OSBP2: variants seen among roughly 807,000 people sequenced by gnomAD.
The protein encoded by OSBP2 is oxysterol-binding protein 2.
In OSBP2, 66 loss-of-function variants were observed where a neutral mutation model predicts 96.0. The observed-to-expected ratio is 0.69, with a 90% CI of 0.56 to 0.84. The LOEUF (loss-of-function observed/expected upper bound fraction) is 0.84. Among genes scored for constraint, OSBP2 ranks in the 40% least tolerant of loss-of-function variants. The pLI is 0.00. For missense variants in OSBP2, 1,038 were observed against 1,222.7 expected (o/e 0.85, Z 2.25); for synonymous variants, 525 against 520.9 (o/e 1.01, Z -0.11).
chr22:30,872,856 G>A (rs1303727735), intron 3 of OSBP2, among the ~76,000 whole-genome samples: 1 of 152,228 alleles, frequency 6.6e-6, no homozygotes, highest in Non-Finnish European at 1.5e-5. Context: ...GTGGCTCTCA[G>A]ACACCAAGGG....
chr22:30,830,098 G>A (rs1027705651), intron 2 of OSBP2, among the ~76,000 whole-genome samples: 3 of 152,120 alleles, frequency 2.0e-5, no homozygotes, highest in African/African-American at 4.8e-5. Flanking sequence ...TGTAGGGCCC[G>A]GCCCTGCCCA....
intron 2 of OSBP2, among the ~76,000 whole-genome samples, chr22:30,822,197 C>T (rs1363991409): frequency 7.9e-5 from 12 of 152,210 alleles, no homozygotes. Flanking sequence ...TCCCGCGTGC[C>T]CCTTAGCTCT....
intron 2 of OSBP2, among the ~76,000 whole-genome samples, chr22:30,842,033 C>T (rs1242903701): frequency 6.6e-6 from 1 of 151,982 alleles, no homozygotes; most frequent in African/African-American, 2.4e-5. Context: ...GGAGCCTTCA[C>T]CTCCCTGGGC....
At chr22:30,746,967 C>T (rs568562319) in intron 2 of OSBP2, among the ~76,000 whole-genome samples, 1 of 152,168 alleles carries the variant, frequency 6.6e-6, no homozygotes, top group East Asian at 1.9e-4. Context: ...GGACTATACA[C>T]CATGACCAAG....
chr22:30,792,041 G>A (rs572984836), intron 2 of OSBP2, among the ~76,000 whole-genome samples: 3 of 152,350 alleles, frequency 2.0e-5, no homozygotes, highest in Admixed American at 6.5e-5. Flanking sequence ...GCCAGGTGCA[G>A]TGGCTCATGC....
At chr22:30,850,073 C>T (rs1484549783) in intron 2 of OSBP2, among the ~76,000 whole-genome samples, 3 of 151,922 alleles carry the variant, frequency 2.0e-5, no homozygotes, top group South Asian at 2.1e-4. Context: ...GAGGCCGAGG[C>T]GGGTGGATCA....
chr22:30,758,921 A>G (rs1248625260), intron 2 of OSBP2, among the ~76,000 whole-genome samples: 1 of 152,198 alleles, frequency 6.6e-6, no homozygotes, highest in Non-Finnish European at 1.5e-5. Context: ...TGTTTTCATG[A>G]ACTCCTGGCT....
rs2039917603 is a variant in OSBP2, at chr22:30,890,363, C to A, written c.1624-365C>A. Among the ~76,000 whole-genome samples the A allele has an allele frequency of 6.6e-6, 1 of 152,144 alleles. No homozygotes were observed. Among genetic ancestry groups the A allele is most frequent in the South Asian group, 2.1e-4 (1 of 4,822 alleles). On this transcript the variant is annotated intron_variant, in intron 7 of 13. Transcript: ENST00000332585. This position sits in a 1 kb window ranked among gnomAD's most constrained non-coding sequence, Gnocchi z 4.4. ...CATGGGGAAGACCCACTTCCTCCAC[C>A]CACAGACTCATGTGCCCATTCAGTC...
chr22:30,732,286 A>G (rs2089792364), intron 1 of OSBP2, among the ~76,000 whole-genome samples: 1 of 152,146 alleles, frequency 6.6e-6, no homozygotes, highest in South Asian at 2.1e-4. Flanking sequence ...CCTGGGCAAC[A>G]AGAGTGAAAC....
chr22:30,860,246 T>C (rs1206904009), intron 2 of OSBP2, among the ~76,000 whole-genome samples: 1 of 152,156 alleles, frequency 6.6e-6, no homozygotes, highest in Non-Finnish European at 1.5e-5. Flanking sequence ...GGCAGGAGTT[T>C]CTGATTGTAT....
At chr22:30,795,823 G>C (rs1212930352) in intron 2 of OSBP2, among the ~76,000 whole-genome samples, 1 of 152,134 alleles carries the variant, frequency 6.6e-6, no homozygotes, top group African/African-American at 2.4e-5. Flanking sequence ...CCAGCCTCCA[G>C]TGCATTCTTA....
chr22:30,872,545 CACG>C (rs1447560862), intron 3 of OSBP2: 4 of 363,242 alleles, frequency 1.1e-5, no homozygotes, highest in Non-Finnish European at 5.4e-6. Flanking sequence ...TGGGGTTGGT[CACG>C]ATTCCTTTCT....
At chr22:30,902,606 C>G in intron 12 of OSBP2, 1 of 713,200 alleles carries the variant, frequency 1.4e-6, no homozygotes, top group African/African-American at 1.7e-5. Context: ...GTCCTCCCTT[C>G]CACGATCCAA....
intron 1 of OSBP2, among the ~76,000 whole-genome samples, chr22:30,734,566 C>A (rs1284984917): frequency 6.6e-6 from 1 of 152,154 alleles, no homozygotes; most frequent in Non-Finnish European, 1.5e-5. Context: ...GAAACAAAAT[C>A]ATTTATTTAC....
At chr22:30,775,249 T>C (rs1455657411) in intron 2 of OSBP2, among the ~76,000 whole-genome samples, 4 of 152,076 alleles carry the variant, frequency 2.6e-5, no homozygotes, top group Non-Finnish European at 5.9e-5. Flanking sequence ...CCCACTATTA[T>C]TTTACAGCAA....
chr22:30,888,602 C>G (rs369243913), intron 5 of OSBP2, among the ~76,000 whole-genome samples: 4 of 152,230 alleles, frequency 2.6e-5, no homozygotes, highest in South Asian at 4.1e-4. Flanking sequence ...GTAGTGCAGG[C>G]CTGTAGTCCC....
chr22:30,821,425 A>G lies in OSBP2; in HGVS notation c.854-49004A>G, dbSNP rs771489558. On this transcript the variant is annotated intron_variant, in intron 2 of 13. Transcript: ENST00000332585. The stretch of plus-strand genomic sequence containing the variant: ...AGTCAAGGGATCCTGGCTGTATTCT[A>G]CGGGTACAGCCATCATGATGTGCTG... 8.9e-4 allele frequency among the ~76,000 whole-genome samples: 136 copies of G among 152,352 alleles called. 1 individual carries two copies. Among genetic ancestry groups the G allele is most frequent in the Non-Finnish European group, 2.5e-4 (17 of 68,042 alleles).
chr22:30,814,790 A>C (rs992016994), intron 2 of OSBP2, among the ~76,000 whole-genome samples: 1 of 152,174 alleles, frequency 6.6e-6, no homozygotes, highest in African/African-American at 2.4e-5. Context: ...TTGGACTTCA[A>C]CATATGGATT....
intron 2 of OSBP2, among the ~76,000 whole-genome samples, chr22:30,748,826 T>C (rs962261669): frequency 3.3e-5 from 5 of 152,172 alleles, no homozygotes; most frequent in African/African-American, 1.2e-4. Context: ...TTAAGAATTG[T>C]GTATTTAGGC....
Sources: gnomAD v4.1 joint callset for allele counts (sites outside exome capture counted in the v4.1 genomes callset) on GRCh38, gnomAD v4.1.1 for gene constraint, Gnocchi (gnomAD v3.1) non-coding constraint, MANE v1.5 for transcripts, NCBI Gene and HGNC (gene_info 2026-07-23, HGNC 2026-07-21) for gene names.